The following MIR2052HG variants were observed in gnomAD, a reference collection of about 807,000 sequenced individuals.
MIR2052HG encodes the protein MIR2052 host gene.
At chr8:74,726,293 C>T (rs1475226416) in intron 4 of MIR2052HG, among the ~76,000 whole-genome samples, 2 of 152,162 alleles carry the variant, frequency 1.3e-5, no homozygotes, top group African/African-American at 4.8e-5. Flanking sequence ...TACATGCTTT[C>T]CTTGTGTGCA....
At chr8:74,655,995 C>A (rs1017380188) in intron 2 of MIR2052HG, among the ~76,000 whole-genome samples, 10 of 152,156 alleles carry the variant, frequency 6.6e-5, no homozygotes, top group Admixed American at 2.6e-4. Flanking sequence ...CAAAGGAGAT[C>A]ATTTTGGACC....
At chr8:74,743,846 C>T (rs1443288685) in intron 4 of MIR2052HG, among the ~76,000 whole-genome samples, 2 of 152,098 alleles carry the variant, frequency 1.3e-5, no homozygotes, top group African/African-American at 4.8e-5. Context: ...ATTTTATAAA[C>T]CAAGGTGATC....
intron 1 of MIR2052HG, among the ~76,000 whole-genome samples, chr8:74,606,202 T>TGTGGATATA (rs1677875567): frequency 6.6e-6 from 1 of 152,220 alleles, no homozygotes; most frequent in African/African-American, 2.4e-5. Flanking sequence ...TCCTGGGAAC[T>TGTGGATATA]GTGGATATAG....
At chr8:74,752,425 GA>G in intron 4 of MIR2052HG, 1 of 453,644 alleles carries the variant, frequency 2.2e-6, no homozygotes, top group Non-Finnish European at 4.4e-6. Flanking sequence ...TTGTGTCTGT[GA>G]ATTTCATGCA....
At chr8:74,645,518 C>T (rs935669129) in intron 2 of MIR2052HG, among the ~76,000 whole-genome samples, 2 of 152,206 alleles carry the variant, frequency 1.3e-5, no homozygotes, top group Non-Finnish European at 2.9e-5. Flanking sequence ...CTCCCAACCT[C>T]AGGTGATCTG....
intron 4 of MIR2052HG, among the ~76,000 whole-genome samples, chr8:74,735,532 T>C (rs975138454): frequency 3.9e-5 from 6 of 152,220 alleles, no homozygotes; most frequent in Non-Finnish European, 7.3e-5. Context: ...ACTCTTTCTG[T>C]TGGCACCATA....
At chr8:74,691,636 C>A (rs1158128290) in intron 2 of MIR2052HG, among the ~76,000 whole-genome samples, 4 of 152,044 alleles carry the variant, frequency 2.6e-5, no homozygotes, top group African/African-American at 9.7e-5. Flanking sequence ...TGTGCACTTT[C>A]CTTTTAATTT....
rs957410995 is a variant in MIR2052HG at position 74,603,687 on chromosome 8, C to T, written n.128+3779C>T. On this transcript the variant is annotated intron_variant and non_coding_transcript_variant, in intron 1 of 6. Transcript: ENST00000523442. ...AGGCCTGACCGCCTGCAAAGATGACCGGAGAGCTGGAAGGCTTGAGCTGGT... is the reference window on the plus strand; with the variant it reads ...AGGCCTGACCGCCTGCAAAGATGACTGGAGAGCTGGAAGGCTTGAGCTGGT... 2.2e-5 allele frequency: 22 copies of T among 995,416 alleles called. 1 individual carries two copies. The highest frequency in any genetic ancestry group is 7.1e-5 in the East Asian group (3 of 42,130). The allele number at this position is 995,416 out of a possible 1,614,324, so 61.7% of individuals were successfully genotyped here.
chr8:74,600,716 C>G (rs1807987791), intron 1 of MIR2052HG, among the ~76,000 whole-genome samples: 1 of 152,024 alleles, frequency 6.6e-6, no homozygotes, highest in African/African-American at 2.4e-5. Context: ...GCTGGGATTA[C>G]AAGTGCGTGC....
chr8:74,676,901 T>A (rs753134080), intron 2 of MIR2052HG, among the ~76,000 whole-genome samples: 4 of 151,994 alleles, frequency 2.6e-5, no homozygotes, highest in Admixed American at 1.3e-4. Flanking sequence ...TATCAAAATG[T>A]CATGTTGTAT....
chr8:74,663,661 T>C (rs1808890464), intron 2 of MIR2052HG, among the ~76,000 whole-genome samples: 1 of 152,242 alleles, frequency 6.6e-6, no homozygotes, highest in African/African-American at 2.4e-5. Context: ...GTTTCAGCTT[T>C]ACAAAATTGC....
intron 2 of MIR2052HG, among the ~76,000 whole-genome samples, chr8:74,681,048 C>A (rs1029420878): frequency 1.2e-4 from 14 of 121,552 alleles, no homozygotes; most frequent in Non-Finnish European, 1.9e-4. Context: ...GAACATCACA[C>A]TCTGGGGACT....
intron 2 of MIR2052HG, among the ~76,000 whole-genome samples, chr8:74,690,421 G>A (rs985409337): frequency 1.4e-4 from 22 of 152,202 alleles, no homozygotes; most frequent in Admixed American, 1.4e-3. Context: ...ATCGTCCTAC[G>A]TGGATAGATT....
At chr8:74,602,135 C>T (rs1167537731) in intron 1 of MIR2052HG, among the ~76,000 whole-genome samples, 1 of 152,180 alleles carries the variant, frequency 6.6e-6, no homozygotes, top group Non-Finnish European at 1.5e-5. Context: ...ATACAGGTTA[C>T]AAAGCTCCCG....
At chr8:74,719,735 C>T (rs1180120614) in intron 4 of MIR2052HG, among the ~76,000 whole-genome samples, 4 of 151,996 alleles carry the variant, frequency 2.6e-5, no homozygotes, top group Non-Finnish European at 5.9e-5. Flanking sequence ...GGCTGGTTCT[C>T]CTCATCTGTT....
At chr8:74,602,817 G>GTTTGTTTCTTTCTTTCTTTCTTTCTTTC (rs554782820) in intron 1 of MIR2052HG, among the ~76,000 whole-genome samples, 1 of 73,786 alleles carries the variant, frequency 1.4e-5, no homozygotes, top group African/African-American at 6.3e-5. Context: ...GCCCGGCCGT[G>GTTTGTTTCTTTCTTTCTTTCTTTCTTTC]TTTCTTTCTT....
At chr8:74,639,416 A>G (rs1808615213) in intron 2 of MIR2052HG, among the ~76,000 whole-genome samples, 2 of 152,172 alleles carry the variant, frequency 1.3e-5, no homozygotes, top group African/African-American at 4.8e-5. Flanking sequence ...GGGCATACAT[A>G]TCCTAATAAT....
chr8:74,684,101 G>A lies in MIR2052HG; in HGVS notation n.217-18278G>A, dbSNP rs533132188. Among the ~76,000 whole-genome samples, 7 of 152,164 alleles carry A rather than the reference G, an allele frequency of 4.6e-5. No homozygotes were observed. The South Asian group carries it at 1.0e-3, about 23-fold the overall frequency. On this transcript the variant is annotated intron_variant and non_coding_transcript_variant, in intron 2 of 6. Transcript: ENST00000523442. ...TACTGGTAGCTTGTTCAGAGGTCCC[G>A]GTGTCCTTGAGCTATGTAAGCAGTT... is the stretch of plus-strand genomic sequence containing the variant.
At chr8:74,604,322 G>A in intron 1 of MIR2052HG, 1 of 642,730 alleles carries the variant, frequency 1.6e-6, no homozygotes, top group African/African-American at 1.8e-5. Context: ...GCCAAAAACT[G>A]CTGGCGCGAG....
Sources: allele counts gnomAD v4.1 joint callset (sites outside exome capture counted in the v4.1 genomes callset), GRCh38; gene constraint gnomAD v4.1.1; transcripts MANE v1.5; gene names NCBI Gene and HGNC (gene_info 2026-07-23, HGNC 2026-07-21).